The following CHD1 variants were observed in gnomAD, a reference collection of about 807,000 sequenced individuals.
CHD1 encodes ATP-dependent chromatin remodeler CHD1.
CHD1 carries 36 observed loss-of-function variants against 224.2 expected under a neutral mutation model. The ratio of observed to expected loss-of-function variants is 0.16; its 90% CI spans 0.12 to 0.21. The LOEUF (loss-of-function observed/expected upper bound fraction) is 0.21. Among genes scored for constraint, CHD1 ranks in the 10% least tolerant of loss-of-function variants. CHD1 has a pLI of 1.00. For missense variants in CHD1, 1,378 were observed against 1,994.8 expected, an observed-to-expected ratio of 0.69 and a Z score of 5.89; for synonymous variants, 668 against 658.3, an observed-to-expected ratio of 1.01 and a Z score of -0.23.
chr5:98,874,501 A>T (rs1171508301), intron 25 of CHD1, among the ~76,000 whole-genome samples: 1 of 147,806 alleles, frequency 6.8e-6, no homozygotes, highest in East Asian at 2.0e-4. Context: ...GGAGTTCTAG[A>T]CCAACCTGGC....
chr5:98,869,791 G>A lies in CHD1; in HGVS notation c.4070C>T (p.Pro1357Leu). 1 of 1,613,180 alleles carries A rather than the reference G, an allele frequency of 6.2e-7. No individual in the cohort carries two copies. Among genetic ancestry groups the A allele is most frequent in the African/African-American group, 1.3e-5 (1 of 75,018 alleles). ...VKEEIKSDSS[P>L]LPSEKSDEDD... ...TTCATCAGACTTCTCTGAAGGCAGAGGAGAAGAATCACTCTTTATTTCCTC... is the reference window on the plus strand; with the variant it reads ...TTCATCAGACTTCTCTGAAGGCAGAAGAGAAGAATCACTCTTTATTTCCTC... The change falls in exon 30 of 36, where the codon CCT becomes CTT. Residue 1357 changes from proline (P) to leucine (L), a missense_variant. Physicochemically the swap from Pro to Leu is moderately conservative, Grantham distance 98. This residue lies in a region of CHD1 where 105 missense variants were observed against 93.4 expected (regional missense o/e 1.12). Transcript: ENST00000614616.
intron 17 of CHD1, 146 bp downstream of exon 17, chr5:98,887,941 TA>T (rs1218847305): frequency 1.1e-5 from 5 of 448,866 alleles, no homozygotes; most frequent in Non-Finnish European, 1.5e-5. Context: ...GAATGACAAA[TA>T]TTTTTTAAAG....
intron 2 of CHD1, among the ~76,000 whole-genome samples, chr5:98,924,990 A>G (rs1379140274): frequency 2.0e-5 from 3 of 151,862 alleles, no homozygotes; most frequent in African/African-American, 2.4e-5. Flanking sequence ...AAAAAAAAAA[A>G]GAAAAAGAAA....
intron 13 of CHD1, 61 bp from the exon 14 acceptor site, chr5:98,893,667 A>G (rs1214481258): frequency 2.8e-5 from 29 of 1,017,786 alleles, no homozygotes; most frequent in East Asian, 2.6e-5. Flanking sequence ...TAGCCTTCCC[A>G]TTTAATCTGA....
chr5:98,908,596 A>C (rs1752197265), intron 2 of CHD1, among the ~76,000 whole-genome samples: 2 of 152,196 alleles, frequency 1.3e-5, no homozygotes, highest in Non-Finnish European at 2.9e-5. Context: ...TAAAACTCAC[A>C]AATTTGGCTA....
In CHD1 at chr5:98,872,245, TAACTGAAA is replaced by T. The variant is rs772012767; in HGVS notation, c.3711-52_3711-45del. The T allele has an allele frequency of 2.9e-5, 45 of 1,562,932 alleles. No individual in the cohort carries two copies. The East Asian group carries it at 7.7e-4, about 27-fold the overall frequency. On this transcript the variant is annotated intron_variant, in intron 27 of 35. Transcript: ENST00000614616. ...ACTAATGATAAGTTTGTAATTGCCTTAACTGAAAAATTAATTTTGAAAAACGTGAGTCA... is the reference window on the plus strand; with the variant it reads ...ACTAATGATAAGTTTGTAATTGCCTTAATTAATTTTGAAAAACGTGAGTCA...
At chr5:98,916,534 A>G (rs1373228786) in intron 2 of CHD1, among the ~76,000 whole-genome samples, 1 of 144,954 alleles carries the variant, frequency 6.9e-6, no homozygotes, top group Non-Finnish European at 1.5e-5. Context: ...AACAAGAGTG[A>G]AACTCCGTCT....
At chr5:98,870,036 A>T (rs325207) in intron 29 of CHD1, among the ~76,000 whole-genome samples, 154 bp from the exon 30 acceptor site, 9 of 152,236 alleles carry the variant, frequency 5.9e-5, no homozygotes, top group African/African-American at 2.2e-4. Flanking sequence ...AATAAAGGTG[A>T]TATAACTTAA....
intron 27 of CHD1, 26 bp downstream of exon 27, chr5:98,872,391 T>C (rs774452839): frequency 6.3e-7 from 1 of 1,598,004 alleles, no homozygotes. Context: ...ACAAAAATCT[T>C]ACAATGGAGA....
Position 98,873,695 on chromosome 5 carries a change from A to G in CHD1, c.3469T>C (p.Leu1157=). 1 of 1,610,384 alleles carries G rather than the reference A, an allele frequency of 6.2e-7. No homozygotes were observed. The highest frequency in any genetic ancestry group is 8.5e-7 in the Non-Finnish European group (1 of 1,178,694). The change falls in exon 26 of 36, where the codon TTA becomes CTA. Residue 1157 remains leucine, a synonymous_variant. Coordinates refer to ENST00000614616, the MANE Select transcript of CHD1 (RefSeq NM_001270.4). The part of the protein sequence containing the change: ...RLDAIARDAE[L]VDKSETDLRR... ...AGGTCTGTTTCTGACTTATCAACTAACTCAGCATCTCGAGCAATTGCATCT... is the reference window on the plus strand; with the variant it reads ...AGGTCTGTTTCTGACTTATCAACTAGCTCAGCATCTCGAGCAATTGCATCT...
At position 98,901,228 on chromosome 5, in the gene CHD1, T is replaced by C; in HGVS notation, c.545A>G (p.Tyr182Cys). The change falls in exon 6 of 36, where the codon TAT (tyrosine) becomes TGT (cysteine). Residue 182 changes from tyrosine (Y) to cysteine (C), a missense_variant. By Grantham distance (194) the Tyr-to-Cys change is radical. Coordinates refer to ENST00000614616, the MANE Select transcript of CHD1 (RefSeq NM_001270.4). ...GCTTTTGACTTTGTTTTTTGGCTCA[T>C]AATCAGATTCTGTTTCATCACAACT... Reference protein sequence around the residue: ...KSSCDETESDYEPKNKVKSRK... With the variant: ...KSSCDETESDCEPKNKVKSRK... The C allele has an allele frequency of 6.2e-7, 1 of 1,613,856 alleles. No individual in the cohort carries two copies. Among genetic ancestry groups the C allele is most frequent in the Non-Finnish European group, 8.5e-7 (1 of 1,179,916 alleles).
chr5:98,872,993 T>C (rs1749470508), intron 26 of CHD1, among the ~76,000 whole-genome samples: 1 of 152,082 alleles, frequency 6.6e-6, no homozygotes, highest in Non-Finnish European at 1.5e-5. Context: ...TGCTAATTTT[T>C]ATGTTTTCAT....
rs142365343 is a variant in CHD1 at position 98,912,085 on chromosome 5, GAAGTGT to G, written c.54-6993_54-6988del. On this transcript the variant is annotated intron_variant, in intron 2 of 35. Transcript: ENST00000614616. ...AAAAAAAAATTAAAAAATATATACT[GAAGTGT>G]AAGAGGTGTGATTTCTGCAACCTAC... 9.6e-3 allele frequency among the ~76,000 whole-genome samples: 1,468 copies of G among 152,174 alleles called. 18 individuals carry two copies. Among genetic ancestry groups the G allele is most frequent in the Non-Finnish European group, 0.014 (971 of 68,012 alleles).
intron 17 of CHD1, 188 bp from the exon 18 acceptor site, chr5:98,885,837 A>C (rs1014027234): frequency 1.1e-5 from 6 of 541,572 alleles, no homozygotes; most frequent in Non-Finnish European, 1.6e-5. Flanking sequence ...AATCACTAAG[A>C]CTGCACCCTC....
At chr5:98,866,506 G>C (rs1050102761) in intron 31 of CHD1, among the ~76,000 whole-genome samples, 1 of 152,050 alleles carries the variant, frequency 6.6e-6, no homozygotes, top group African/African-American at 2.4e-5. Flanking sequence ...GGATCTAGAA[G>C]GACATAATGG....
chr5:98,896,725 T>G (rs1751363734), intron 11 of CHD1, among the ~76,000 whole-genome samples: 1 of 151,706 alleles, frequency 6.6e-6, no homozygotes, highest in Non-Finnish European at 1.5e-5. Context: ...AATAATGCAA[T>G]TCATCTACTA....
At chr5:98,890,220 A>T (rs2112458508) in intron 15 of CHD1, among the ~76,000 whole-genome samples, 1 of 152,320 alleles carries the variant, frequency 6.6e-6, no homozygotes, top group Non-Finnish European at 1.5e-5. Flanking sequence ...GACCTTTTCC[A>T]CCTTTTATTT....
intron 2 of CHD1, among the ~76,000 whole-genome samples, chr5:98,911,176 T>TAGAG (rs1428353116): frequency 8.1e-6 from 1 of 122,974 alleles, no homozygotes; most frequent in East Asian, 2.2e-4. Flanking sequence ...TATATATATA[T>TAGAG]AGAGGCATGT....
rs773032786 is a variant in CHD1 at position 98,894,578 on chromosome 5, G to A, written c.1800+19C>T. On this transcript the variant is annotated intron_variant, in intron 13 of 35. Transcript: ENST00000614616. ...ACTGATATACAAGAGACCAAAACAC[G>A]TGAGAAATAAATACATACCTTATCT... 1.5e-4 allele frequency: 149 copies of A among 1,008,438 alleles called. 1 individual carries two copies. Among genetic ancestry groups the A allele is most frequent in the Admixed American group, 6.8e-4 (27 of 39,646 alleles). 62.5% of individuals were successfully genotyped at this position (1,008,438 alleles called of 1,614,324 possible).
Sources: gnomAD v4.1 joint callset for allele counts (sites outside exome capture counted in the v4.1 genomes callset) on GRCh38, gnomAD v4.1.1 for gene constraint, gnomAD v4.1.1 regional missense constraint, MANE v1.5 for transcripts, NCBI Gene and HGNC (gene_info 2026-07-23, HGNC 2026-07-21) for gene names.